SHISA9: variants seen among roughly 807,000 people sequenced by gnomAD.
SHISA9 encodes the protein protein shisa-9.
A neutral mutation model predicts 38.0 loss-of-function variants in SHISA9; 13 were observed. The observed-to-expected ratio is 0.34, with a 90% CI of 0.22 to 0.54. The LOEUF is 0.54. SHISA9 is among the 20% of genes least tolerant of loss of function. The pLI is 0.91. For missense variants in SHISA9, 538 were observed against 575.8 expected, an observed-to-expected ratio of 0.93 and a Z score of 0.67; for synonymous variants, 275 against 242.0, an observed-to-expected ratio of 1.14 and a Z score of -1.27.
chr16:13,033,552 A>C, intron 2 of SHISA9, among the ~76,000 whole-genome samples: 1 of 152,210 alleles, frequency 6.6e-6, no homozygotes, highest in East Asian at 1.9e-4. Flanking sequence ...ACAACTTTAA[A>C]TTCAAAAGAA....
intron 2 of SHISA9, among the ~76,000 whole-genome samples, chr16:13,173,510 G>C (rs751663917): frequency 3.9e-5 from 6 of 152,012 alleles, no homozygotes; most frequent in Admixed American, 3.3e-4. Flanking sequence ...GTTTCTGCCC[G>C]CGTGGACCTA....
the SHISA9 span, among the ~76,000 whole-genome samples, chr16:13,371,450 G>A: frequency 6.6e-6 from 1 of 152,188 alleles, no homozygotes; most frequent in Non-Finnish European, 1.5e-5. Flanking sequence ...GCACATTAGA[G>A]TTGCCTGGGG....
chr16:13,472,755 T>C, the SHISA9 span, among the ~76,000 whole-genome samples: 1 of 152,212 alleles, frequency 6.6e-6, no homozygotes, highest in Non-Finnish European at 1.5e-5. Context: ...TCTCTTGCTA[T>C]GTCTTCAAGT....
At chr16:13,347,846 CA>C in the SHISA9 span, among the ~76,000 whole-genome samples, 108,288 of 151,772 alleles carry the variant, frequency 0.71, 39,949 homozygotes, top group East Asian at 0.96. Context: ...CGTACCCCCC[CA>C]CAAAGATGTC....
the SHISA9 span, among the ~76,000 whole-genome samples, chr16:13,282,889 A>T: frequency 6.6e-6 from 1 of 152,232 alleles, no homozygotes; most frequent in South Asian, 2.1e-4. Flanking sequence ...TCCACTCATT[A>T]AGATTACATT....
the SHISA9 span, among the ~76,000 whole-genome samples, chr16:13,265,705 T>C: frequency 6.6e-6 from 1 of 151,912 alleles, no homozygotes. Flanking sequence ...AACCATGTGA[T>C]ATATGCTGAG....
At chr16:12,997,482 C>G (rs1014341797) in intron 2 of SHISA9, among the ~76,000 whole-genome samples, 1 of 150,578 alleles carries the variant, frequency 6.6e-6, no homozygotes, top group African/African-American at 2.4e-5. Flanking sequence ...TCTCAGGTCA[C>G]TGCAACCTCC....
intron 2 of SHISA9, among the ~76,000 whole-genome samples, chr16:12,957,690 C>T (rs751261613): frequency 1.3e-5 from 2 of 152,116 alleles, no homozygotes; most frequent in Non-Finnish European, 1.5e-5. Flanking sequence ...TGACAGGCTT[C>T]TATAACAAAA....
the SHISA9 span, among the ~76,000 whole-genome samples, chr16:13,274,098 C>T: frequency 6.6e-6 from 1 of 152,264 alleles, no homozygotes; most frequent in Admixed American, 6.5e-5. Flanking sequence ...GTATCCATAA[C>T]ACATGCCATT....
At chr16:12,914,207 G>A (rs1040136267) in intron 1 of SHISA9, among the ~76,000 whole-genome samples, 9 of 151,564 alleles carry the variant, frequency 5.9e-5, no homozygotes, top group Non-Finnish European at 8.8e-5. Context: ...CACCACGCCC[G>A]GCTAATTTTT....
chr16:13,389,484 A>G, the SHISA9 span, among the ~76,000 whole-genome samples: 6 of 152,114 alleles, frequency 3.9e-5, no homozygotes, highest in Non-Finnish European at 7.3e-5. Context: ...TCAAAATATT[A>G]TGCTGTACAT....
chr16:13,417,570 C>T, the SHISA9 span, among the ~76,000 whole-genome samples: 1 of 152,258 alleles, frequency 6.6e-6, no homozygotes, highest in South Asian at 2.1e-4. Flanking sequence ...CAAGTCTTCA[C>T]TGTCAGTGTC....
At chr16:13,454,759 C>G in the SHISA9 span, among the ~76,000 whole-genome samples, 1 of 152,174 alleles carries the variant, frequency 6.6e-6, no homozygotes, top group Non-Finnish European at 1.5e-5. Context: ...GGAGAATCAT[C>G]TTTTCTATAT....
the SHISA9 span, among the ~76,000 whole-genome samples, chr16:13,276,885 G>T: frequency 2.6e-5 from 4 of 152,010 alleles, no homozygotes; most frequent in Non-Finnish European, 5.9e-5. Flanking sequence ...TCTACTGACT[G>T]TTCCTTTTAC....
the SHISA9 span, among the ~76,000 whole-genome samples, chr16:13,359,089 G>T: frequency 4.7e-5 from 2 of 42,782 alleles, no homozygotes; most frequent in Non-Finnish European, 9.8e-5. Flanking sequence ...TTCAACTGAA[G>T]AAGAATGTCC....
chr16:13,261,999 A>G, the SHISA9 span, among the ~76,000 whole-genome samples: 1 of 152,202 alleles, frequency 6.6e-6, no homozygotes, highest in African/African-American at 2.4e-5. Flanking sequence ...TATCAATAAT[A>G]TGACAACAGC....
At chr16:13,135,602 G>A (rs2050341837) in intron 2 of SHISA9, among the ~76,000 whole-genome samples, 3 of 152,174 alleles carry the variant, frequency 2.0e-5, no homozygotes, top group African/African-American at 7.2e-5. Context: ...TGTTGCCTCA[G>A]CCTTCCTGTC....
intron 2 of SHISA9, among the ~76,000 whole-genome samples, chr16:12,962,181 A>G (rs1454397442): frequency 1.3e-5 from 2 of 152,288 alleles, no homozygotes; most frequent in Admixed American, 6.5e-5. Flanking sequence ...CATTTCATAC[A>G]CATGATCTCA....
chr16:13,265,049 C>T, the SHISA9 span, among the ~76,000 whole-genome samples: 1 of 120,568 alleles, frequency 8.3e-6, no homozygotes, highest in African/African-American at 3.2e-5. Context: ...CCCCATCCCT[C>T]CCTTCCACCC....
Sources: allele counts gnomAD v4.1 joint callset (sites outside exome capture counted in the v4.1 genomes callset), GRCh38; gene constraint gnomAD v4.1.1; transcripts MANE v1.5; gene names NCBI Gene and HGNC (gene_info 2026-07-23, HGNC 2026-07-21).